The following KCNMA1 variants were observed in gnomAD, a reference collection of about 807,000 sequenced individuals.
The protein encoded by KCNMA1 is Calcium-activated potassium channel subunit alpha-1.
Under a neutral mutation model 140.0 loss-of-function variants are expected in KCNMA1, and 29 were observed. The observed-to-expected ratio is 0.21, with a 90% CI of 0.15 to 0.28. The LOEUF is 0.28. Among genes scored for constraint, KCNMA1 ranks in the 10% least tolerant of loss-of-function variants. The pLI is 1.00. For missense variants in KCNMA1, 880 were observed against 1,602.2 expected (o/e 0.55, Z 7.70); for synonymous variants, 612 against 611.9 (o/e 1.00, Z 0.00).
intron 14 of KCNMA1, among the ~76,000 whole-genome samples, chr10:77,070,562 G>A (rs2096158205): frequency 1.3e-5 from 2 of 152,192 alleles, no homozygotes; most frequent in African/African-American, 4.8e-5. Flanking sequence ...ATCCTAATAG[G>A]CCTGCTTGTC....
intron 3 of KCNMA1, among the ~76,000 whole-genome samples, chr10:77,211,393 G>C (rs1331683942): frequency 2.0e-5 from 3 of 152,248 alleles, no homozygotes; most frequent in African/African-American, 7.2e-5. Flanking sequence ...GGTATAACTG[G>C]CTAACCATAC....
intron 1 of KCNMA1, among the ~76,000 whole-genome samples, chr10:77,540,879 C>A (rs1305086379): frequency 1.3e-5 from 2 of 152,066 alleles, no homozygotes; most frequent in Non-Finnish European, 2.9e-5. Flanking sequence ...GTGGTGCACG[C>A]CTGTAATCCC....
intron 16 of KCNMA1, chr10:77,025,477 G>T (rs1457594511): frequency 1.9e-6 from 3 of 1,592,454 alleles, no homozygotes; most frequent in African/African-American, 1.3e-5. Context: ...GACAAGAAAA[G>T]AATTTAAAAT....
At chr10:77,069,106 C>A (rs2096080522) in intron 14 of KCNMA1, among the ~76,000 whole-genome samples, 1 of 152,152 alleles carries the variant, frequency 6.6e-6, no homozygotes, top group Non-Finnish European at 1.5e-5. Flanking sequence ...AGTGTGGCCA[C>A]TTATTCAGGG....
At chr10:77,289,392 G>A (rs981371169) in intron 2 of KCNMA1, among the ~76,000 whole-genome samples, 2 of 152,132 alleles carry the variant, frequency 1.3e-5, no homozygotes, top group African/African-American at 2.4e-5. Context: ...TCCAGCCGGC[G>A]TCCCTCCAGG....
intron 23 of KCNMA1, among the ~76,000 whole-genome samples, chr10:76,926,051 G>A (rs2152571610): frequency 6.6e-6 from 1 of 152,224 alleles, no homozygotes; most frequent in South Asian, 2.1e-4. Context: ...AGTGTTTCCT[G>A]TACATACGTT....
At chr10:77,487,313 A>G (rs2098472688) in intron 1 of KCNMA1, among the ~76,000 whole-genome samples, 1 of 152,198 alleles carries the variant, frequency 6.6e-6, no homozygotes, top group Non-Finnish European at 1.5e-5. Flanking sequence ...AAGAAGACCA[A>G]GATTCACCTC....
chr10:77,568,352 C>G (rs1356284486), intron 1 of KCNMA1, among the ~76,000 whole-genome samples: 3 of 151,336 alleles, frequency 2.0e-5, no homozygotes, highest in African/African-American at 7.3e-5. Flanking sequence ...ACTGGCAAAC[C>G]GAATCCAGCA....
At chr10:76,918,040 C>T (rs1190938040) in intron 23 of KCNMA1, among the ~76,000 whole-genome samples, 1 of 152,140 alleles carries the variant, frequency 6.6e-6, no homozygotes, top group African/African-American at 2.4e-5. Context: ...TAAATTGTGG[C>T]CCAATCTCTG....
chr10:76,892,032 C>G (rs2040311753), intron 25 of KCNMA1, among the ~76,000 whole-genome samples: 1 of 152,064 alleles, frequency 6.6e-6, no homozygotes, highest in Non-Finnish European at 1.5e-5. Flanking sequence ...ATTGCCTCCC[C>G]CTCCTAAAGT....
At chr10:77,200,494 A>G (rs1372697553) in intron 3 of KCNMA1, among the ~76,000 whole-genome samples, 1 of 152,182 alleles carries the variant, frequency 6.6e-6, no homozygotes, top group Non-Finnish European at 1.5e-5. Context: ...TGCTGCTGTC[A>G]GAGTTCTTTA....
intron 29 of KCNMA1, chr10:76,878,012 G>C: frequency 1.1e-6 from 1 of 903,470 alleles, no homozygotes; most frequent in African/African-American, 1.7e-5. Flanking sequence ...GAAGCCGACA[G>C]TGAGTAATTG....
chr10:77,027,478 T>G (rs2093566208), intron 16 of KCNMA1, among the ~76,000 whole-genome samples: 1 of 152,184 alleles, frequency 6.6e-6, no homozygotes, highest in Non-Finnish European at 1.5e-5. Context: ...ACCTGCTTTT[T>G]TGCTCACAGC....
In KCNMA1 at chr10:77,025,242, GTATATATATATA is replaced by G. The variant is rs1183311699; in HGVS notation, c.1928+2569_1928+2580del. 9.8e-4 allele frequency among the ~76,000 whole-genome samples: 42 copies of G among 42,766 alleles called. 1 individual carries two copies. Among genetic ancestry groups the G allele is most frequent in the East Asian group, 8.9e-3 (10 of 1,126 alleles). The allele number at this position is 42,766 out of a possible 152,430, so 28.1% of individuals were successfully genotyped here. On this transcript the variant is annotated intron_variant, in intron 16 of 27. Transcript: ENST00000286628. ...ACTCTAGTTGGAGAGGGGTGTGTGT[GTATATATATATA>G]TATATATATATATATATATATATAT...
At chr10:77,141,031 T>G (rs2098155875) in intron 5 of KCNMA1, among the ~76,000 whole-genome samples, 1 of 152,162 alleles carries the variant, frequency 6.6e-6, no homozygotes, top group Admixed American at 6.5e-5. Flanking sequence ...TTAGAGGATG[T>G]GATGCCCAAC....
intron 1 of KCNMA1, among the ~76,000 whole-genome samples, chr10:77,497,282 T>C (rs1323124670): frequency 2.0e-5 from 3 of 152,242 alleles, no homozygotes; most frequent in Admixed American, 6.5e-5. Context: ...GCCATTTGCA[T>C]AACATATTGA....
At chr10:77,013,687 G>A (rs2091383969) in intron 17 of KCNMA1, among the ~76,000 whole-genome samples, 1 of 152,196 alleles carries the variant, frequency 6.6e-6, no homozygotes. Flanking sequence ...GTGGTTCTAA[G>A]TATTTTATAA....
chr10:76,999,001 C>T (rs2085291953), intron 19 of KCNMA1, among the ~76,000 whole-genome samples: 1 of 152,172 alleles, frequency 6.6e-6, no homozygotes, highest in African/African-American at 2.4e-5. Context: ...GCAAATCGCC[C>T]CCTGAGCTGT....
intron 2 of KCNMA1, among the ~76,000 whole-genome samples, chr10:77,349,457 C>T (rs1255633571): frequency 3.3e-5 from 5 of 152,140 alleles, no homozygotes; most frequent in Admixed American, 1.3e-4. Flanking sequence ...ATCCTCCCAT[C>T]GACTGGGCAA....
Sources: gnomAD v4.1 joint callset for allele counts (sites outside exome capture counted in the v4.1 genomes callset) on GRCh38, gnomAD v4.1.1 for gene constraint, MANE v1.5 for transcripts, NCBI Gene and HGNC (gene_info 2026-07-23, HGNC 2026-07-21) for gene names.